Variants in SV2C observed in about 807,000 individuals in gnomAD.
SV2C encodes synaptic vesicle glycoprotein 2C.
A neutral mutation model predicts 79.7 loss-of-function variants in SV2C; 49 were observed. That is an observed-to-expected ratio of 0.61 (90% CI 0.49 to 0.78). SV2C has a LOEUF of 0.78. Among genes scored for constraint, SV2C ranks in the 30% least tolerant of loss-of-function variants. The pLI is 0.00. For missense variants in SV2C, 833 were observed against 912.9 expected (o/e 0.91, Z 1.13); for synonymous variants, 334 against 333.2 (o/e 1.00, Z -0.03).
intron 2 of SV2C, among the ~76,000 whole-genome samples, chr5:76,162,805 CT>C (rs1742933882): frequency 6.6e-6 from 1 of 152,204 alleles, no homozygotes; most frequent in Non-Finnish European, 1.5e-5. Flanking sequence ...GCTCCTCCAC[CT>C]CTTTTACCAG....
chr5:76,268,281 G>C (rs1298338042), intron 4 of SV2C, among the ~76,000 whole-genome samples: 4 of 152,166 alleles, frequency 2.6e-5, no homozygotes, highest in African/African-American at 9.7e-5. Context: ...TTATTGAGAG[G>C]TGAGTTGTGA....
the SV2C span, among the ~76,000 whole-genome samples, chr5:75,956,564 G>A: frequency 6.6e-6 from 1 of 151,742 alleles, no homozygotes; most frequent in Non-Finnish European, 1.5e-5. Context: ...ATAATAAAAA[G>A]AGCCTATCAT....
chr5:76,015,570 ATATAT>A, the SV2C span, among the ~76,000 whole-genome samples: 26 of 152,224 alleles, frequency 1.7e-4, no homozygotes, highest in African/African-American at 5.1e-4. Context: ...ATAATCTTAA[ATATAT>A]TATATATTTA....
At chr5:75,912,858 C>T in the SV2C span, among the ~76,000 whole-genome samples, 22 of 152,194 alleles carry the variant, frequency 1.4e-4, no homozygotes, top group Non-Finnish European at 2.8e-4. Flanking sequence ...TTTTGCTTAA[C>T]AGATTTTGGT....
the SV2C span, among the ~76,000 whole-genome samples, chr5:75,949,262 T>C: frequency 2.0e-5 from 3 of 152,054 alleles, no homozygotes; most frequent in East Asian, 5.8e-4. Context: ...TAAACCTCTT[T>C]TCTTTATAAA....
At chr5:76,231,133 C>G (rs1243155854) in intron 4 of SV2C, among the ~76,000 whole-genome samples, 4 of 152,168 alleles carry the variant, frequency 2.6e-5, no homozygotes, top group African/African-American at 9.7e-5. Context: ...AACACCCCCT[C>G]GTCAGTTCAG....
chr5:76,006,169 C>T, the SV2C span, among the ~76,000 whole-genome samples: 6 of 152,112 alleles, frequency 3.9e-5, no homozygotes, highest in African/African-American at 1.2e-4. Flanking sequence ...GAAAGCTGAA[C>T]ATTTTGCCTT....
the SV2C span, among the ~76,000 whole-genome samples, chr5:75,908,245 C>T: frequency 6.6e-6 from 1 of 152,184 alleles, no homozygotes; most frequent in Non-Finnish European, 1.5e-5. Context: ...CTAGGATTTG[C>T]CTGTTCTGGA....
At chr5:76,075,757 A>G in the SV2C span, 1 of 315,464 alleles carries the variant, frequency 3.2e-6, no homozygotes, top group Non-Finnish European at 6.5e-6. Context: ...ATGGATCTTA[A>G]AAGACATTGC....
At chr5:76,129,022 A>G (rs934261743) in intron 1 of SV2C, among the ~76,000 whole-genome samples, 1 of 152,210 alleles carries the variant, frequency 6.6e-6, no homozygotes, top group Non-Finnish European at 1.5e-5. Flanking sequence ...CCATAGAATT[A>G]TAACTCTGCC....
chr5:76,328,656 C>T lies in SV2C; in HGVS notation c.*3109C>T, dbSNP rs1012042147. ...AGTCGTTGAACATCTCTAGTTCTCACTTTCCCCGTGCACAAAATAAAGGAT... is the reference window on the plus strand; with the variant it reads ...AGTCGTTGAACATCTCTAGTTCTCATTTTCCCCGTGCACAAAATAAAGGAT... On this transcript the variant is annotated 3_prime_UTR_variant, in exon 13 of 13. Coordinates refer to ENST00000502798, the MANE Select transcript of SV2C (RefSeq NM_014979.4). The T allele has an allele frequency of 6.6e-6, 1 of 152,288 alleles. No homozygotes were observed. The highest frequency in any genetic ancestry group is 1.9e-4 in the East Asian group (1 of 5,194). The allele number at this position is 152,288 out of a possible 1,614,324, so 9.4% of individuals were successfully genotyped here.
chr5:76,140,769 A>C (rs535213837), intron 2 of SV2C, among the ~76,000 whole-genome samples: 1 of 152,194 alleles, frequency 6.6e-6, no homozygotes, highest in East Asian at 1.9e-4. Flanking sequence ...TTTCCCTACA[A>C]GTGTACACTG....
chr5:76,036,726 GA>G, the SV2C span, among the ~76,000 whole-genome samples: 1 of 152,082 alleles, frequency 6.6e-6, no homozygotes, highest in East Asian at 1.9e-4. Flanking sequence ...AGGTGTCTTG[GA>G]GTTGCTCTTC....
At chr5:75,882,800 A>C in the SV2C span, among the ~76,000 whole-genome samples, 2 of 149,076 alleles carry the variant, frequency 1.3e-5, no homozygotes, top group African/African-American at 5.1e-5. Flanking sequence ...AAAAAAAAAA[A>C]CTCCAAAAGC....
At chr5:76,106,037 T>A (rs1222751743) in intron 1 of SV2C, among the ~76,000 whole-genome samples, 1 of 152,140 alleles carries the variant, frequency 6.6e-6, no homozygotes, top group African/African-American at 2.4e-5. Flanking sequence ...AGCTACATAC[T>A]CAGCATCTCC....
the SV2C span, among the ~76,000 whole-genome samples, chr5:75,977,722 C>A: frequency 0.17 from 25,133 of 152,136 alleles, 2,169 homozygotes; most frequent in Middle Eastern, 0.2. Context: ...CCAACACATG[C>A]ACAGCCTTCG....
At chr5:76,216,880 G>A (rs1021274165) in intron 4 of SV2C, among the ~76,000 whole-genome samples, 9 of 152,176 alleles carry the variant, frequency 5.9e-5, no homozygotes, top group African/African-American at 2.2e-4. Context: ...GCTTTCATTA[G>A]GCCCAGGCTT....
intron 4 of SV2C, among the ~76,000 whole-genome samples, chr5:76,234,407 A>T (rs1279387643): frequency 6.6e-6 from 1 of 152,206 alleles, no homozygotes; most frequent in Non-Finnish European, 1.5e-5. Flanking sequence ...AACATATTCC[A>T]GGTGTTCTTT....
chr5:76,317,698 C>T (rs546348550), intron 12 of SV2C, among the ~76,000 whole-genome samples: 147 of 152,196 alleles, frequency 9.7e-4, no homozygotes, highest in African/African-American at 3.3e-3. Context: ...AGCTTGCTGG[C>T]ACACATTTGT....
Sources: allele counts gnomAD v4.1 joint callset (sites outside exome capture counted in the v4.1 genomes callset), GRCh38; gene constraint gnomAD v4.1.1; transcripts MANE v1.5; gene names NCBI Gene and HGNC (gene_info 2026-07-23, HGNC 2026-07-21).